Variants in FRMD4A observed in about 807,000 individuals in gnomAD.
FRMD4A encodes the protein FERM domain containing 4A.
FRMD4A carries 29 observed loss-of-function variants against 129.1 expected under a neutral mutation model. The observed-to-expected ratio is 0.22, with a 90% CI of 0.17 to 0.31. FRMD4A has a LOEUF of 0.31. Ranked by LOEUF, FRMD4A falls within the 10% of genes least tolerant of loss-of-function variation. The pLI is 1.00. For synonymous variants in FRMD4A, 634 were observed against 571.6 expected (o/e 1.11, Z -1.56); for missense variants, 1,272 against 1,375.8 (o/e 0.92, Z 1.19).
intron 2 of FRMD4A, among the ~76,000 whole-genome samples, chr10:14,240,231 C>T (rs1454497744): frequency 6.6e-6 from 1 of 152,206 alleles, no homozygotes; most frequent in East Asian, 1.9e-4. Context: ...CCCTGTCACA[C>T]AACCGAAACG....
chr10:13,687,092 A>G (rs2085155863), intron 15 of FRMD4A, among the ~76,000 whole-genome samples: 1 of 152,172 alleles, frequency 6.6e-6, no homozygotes, highest in Non-Finnish European at 1.5e-5. Context: ...AGAGTTCGAG[A>G]CCATCCTGGC....
chr10:13,757,947 T>C (rs1389062203), intron 8 of FRMD4A, among the ~76,000 whole-genome samples: 1 of 152,182 alleles, frequency 6.6e-6, no homozygotes, highest in African/African-American at 2.4e-5. Context: ...TTTCACCATG[T>C]TGGCCAGGCT....
chr10:13,714,032 A>ATATAAAATATATATTTTATATATG lies in FRMD4A; in HGVS notation c.760-6920_760-6919insCATATATAAAATATATATTTTATA, dbSNP rs1554858940. Among the ~76,000 whole-genome samples, 7 of 33,260 alleles carry ATATAAAATATATATTTTATATATG rather than the reference A, an allele frequency of 2.1e-4. 1 individual carries two copies. The highest frequency in any genetic ancestry group is 4.0e-4 in the Non-Finnish European group (7 of 17,560). The allele number at this position is 33,260 out of a possible 152,430, so 21.8% of individuals were successfully genotyped here. A position where few individuals can be genotyped will look rare whatever the true frequency, so the allele number is the denominator to read the frequency against. ...ATATACATATATAAAATATACATAT[A>ATATAAAATATATATTTTATATATG]TATATATATATATATATATATATAT... On this transcript the variant is annotated intron_variant, in intron 12 of 24. Transcript: ENST00000357447.
intron 2 of FRMD4A, among the ~76,000 whole-genome samples, chr10:14,067,490 A>G (rs1364351703): frequency 6.6e-6 from 1 of 152,088 alleles, no homozygotes; most frequent in Non-Finnish European, 1.5e-5. Flanking sequence ...AATAGCATCA[A>G]TATATCAGGT....
At chr10:14,168,585 C>T (rs1841313432) in intron 2 of FRMD4A, among the ~76,000 whole-genome samples, 1 of 152,190 alleles carries the variant, frequency 6.6e-6, no homozygotes, top group Non-Finnish European at 1.5e-5. Context: ...CTGCTATTCC[C>T]ACTTGTATTC....
At chr10:14,126,295 C>T (rs887808921) in intron 2 of FRMD4A, among the ~76,000 whole-genome samples, 5 of 151,766 alleles carry the variant, frequency 3.3e-5, no homozygotes, top group Non-Finnish European at 7.4e-5. Context: ...CTCAGCCTTC[C>T]GAATAGCTGG....
rs549905060 is a variant in FRMD4A at position 14,012,558 on chromosome 10, T to C, written c.46-153646A>G. 2.0e-5 allele frequency among the ~76,000 whole-genome samples: 3 copies of C among 152,170 alleles called. No homozygotes were observed. The South Asian group carries it at 6.2e-4, about 32-fold the overall frequency. ...GAACATTTTGCAGTGTTGGTGATAA[T>C]GGAGGCAGCAGCAGGAGGGGGAAGA... On this transcript the variant is annotated intron_variant, in intron 2 of 24. Coordinates refer to ENST00000357447, the MANE Select transcript of FRMD4A (RefSeq NM_018027.5).
intron 3 of FRMD4A, among the ~76,000 whole-genome samples, chr10:13,843,038 G>A (rs923385677): frequency 1.3e-5 from 2 of 152,282 alleles, no homozygotes; most frequent in South Asian, 2.1e-4. Context: ...TCTGGGAACT[G>A]CTGCATCACG....
intron 2 of FRMD4A, among the ~76,000 whole-genome samples, chr10:13,964,721 G>A (rs1393028455): frequency 6.7e-6 from 1 of 149,918 alleles, no homozygotes; most frequent in African/African-American, 2.5e-5. Context: ...CACCAGGCTG[G>A]AGTGCAATGG....
intron 12 of FRMD4A, among the ~76,000 whole-genome samples, chr10:13,718,366 G>T (rs1439363214): frequency 6.6e-6 from 1 of 152,258 alleles, no homozygotes; most frequent in Non-Finnish European, 1.5e-5. Context: ...GCAGAGATAG[G>T]AGGCGGTGGG....
intron 4 of FRMD4A, among the ~76,000 whole-genome samples, chr10:13,799,919 C>A (rs2093215559): frequency 6.6e-6 from 1 of 152,042 alleles, no homozygotes; most frequent in Admixed American, 6.6e-5. Context: ...GTAGCTCACA[C>A]CTGAAATCCC....
chr10:14,092,092 G>C (rs1021029137), intron 2 of FRMD4A, among the ~76,000 whole-genome samples: 3 of 152,084 alleles, frequency 2.0e-5, no homozygotes, highest in East Asian at 1.9e-4. Context: ...TTTCTACCCC[G>C]ACTCAAATCT....
At chr10:13,867,647 TAATA>T (rs1377825269) in intron 2 of FRMD4A, among the ~76,000 whole-genome samples, 5 of 133,698 alleles carry the variant, frequency 3.7e-5, no homozygotes, top group East Asian at 2.0e-4. Flanking sequence ...ATATAATACA[TAATA>T]AATATATAAT....
At chr10:13,951,851 C>G (rs533830817) in intron 2 of FRMD4A, among the ~76,000 whole-genome samples, 6 of 150,974 alleles carry the variant, frequency 4.0e-5, no homozygotes, top group African/African-American at 1.5e-4. Flanking sequence ...GACTGCATCA[C>G]TGCACTGCAG....
chr10:13,831,208 G>A (rs562939025), intron 3 of FRMD4A, among the ~76,000 whole-genome samples: 6 of 152,322 alleles, frequency 3.9e-5, no homozygotes, highest in East Asian at 3.9e-4. Context: ...TAGACCAAAC[G>A]CAATGCCTCT....
chr10:13,953,529 G>C (rs1005126788), intron 2 of FRMD4A, among the ~76,000 whole-genome samples: 1 of 152,054 alleles, frequency 6.6e-6, no homozygotes, highest in African/African-American at 2.4e-5. Flanking sequence ...ATCCCGCCTG[G>C]GACATGGACC....
chr10:14,075,747 T>C (rs1835554804), intron 2 of FRMD4A, among the ~76,000 whole-genome samples: 1 of 9,668 alleles, frequency 1.0e-4, no homozygotes, highest in Non-Finnish European at 1.9e-4. Context: ...GTGTATATTT[T>C]ATATTTATAC....
chr10:14,089,307 T>C (rs1836492634), intron 2 of FRMD4A, among the ~76,000 whole-genome samples: 1 of 152,104 alleles, frequency 6.6e-6, no homozygotes, highest in South Asian at 2.1e-4. Context: ...TGACTTCCCA[T>C]GCCTTATTCC....
intron 2 of FRMD4A, among the ~76,000 whole-genome samples, chr10:14,272,611 G>A (rs1484081507): frequency 2.0e-5 from 3 of 152,146 alleles, no homozygotes; most frequent in Non-Finnish European, 4.4e-5. Flanking sequence ...GAATTTATAA[G>A]AAAAGAGGTT....
Sources: gnomAD v4.1 joint callset for allele counts (sites outside exome capture counted in the v4.1 genomes callset) on GRCh38, gnomAD v4.1.1 for gene constraint, MANE v1.5 for transcripts, NCBI Gene and HGNC (gene_info 2026-07-23, HGNC 2026-07-21) for gene names.